UNC5D: variants seen among roughly 807,000 people sequenced by gnomAD.
UNC5D encodes the protein unc-5 netrin receptor D.
In UNC5D, 39 loss-of-function variants were observed where a neutral mutation model predicts 105.4. That is an observed-to-expected ratio of 0.37 (90% CI 0.29 to 0.48). The LOEUF is 0.48. Among genes scored for constraint, UNC5D ranks in the 20% least tolerant of loss-of-function variants. UNC5D has a pLI of 0.98. For synonymous variants in UNC5D, 452 were observed against 450.4 expected, an observed-to-expected ratio of 1.00 and a Z score of -0.04; for missense variants, 991 against 1,202.4, an observed-to-expected ratio of 0.82 and a Z score of 2.60.
chr8:35,738,111 A>AAAAG (rs1329151615), intron 11 of UNC5D, among the ~76,000 whole-genome samples: 1 of 152,168 alleles, frequency 6.6e-6, no homozygotes, highest in Non-Finnish European at 1.5e-5. Flanking sequence ...TCTCGAAAAG[A>AAAAG]AAAGAAAAGA....
At chr8:35,407,244 T>C (rs2128955211) in intron 1 of UNC5D, among the ~76,000 whole-genome samples, 2 of 152,236 alleles carry the variant, frequency 1.3e-5, no homozygotes, top group South Asian at 2.1e-4. Context: ...GTAAGTGTAC[T>C]CTATGATGTT....
intron 1 of UNC5D, among the ~76,000 whole-genome samples, chr8:35,470,804 AAAT>A (rs1397329015): frequency 0.027 from 969 of 35,538 alleles, 7 homozygotes; most frequent in East Asian, 0.06. Flanking sequence ...ATAAATAAAT[AAAT>A]AAATAAAATA....
At chr8:35,312,220 T>C (rs960255944) in intron 1 of UNC5D, among the ~76,000 whole-genome samples, 6 of 152,204 alleles carry the variant, frequency 3.9e-5, no homozygotes, top group Non-Finnish European at 8.8e-5. Flanking sequence ...AGATCCGACA[T>C]AGCTTACAAT....
chr8:35,355,540 G>A (rs143474051), intron 1 of UNC5D, among the ~76,000 whole-genome samples: 105 of 152,166 alleles, frequency 6.9e-4, no homozygotes, highest in African/African-American at 2.4e-3. Flanking sequence ...CCATCTTGGT[G>A]CATGTCAAGC....
intron 4 of UNC5D, among the ~76,000 whole-genome samples, chr8:35,653,949 AT>A (rs202163596): frequency 4.6e-5 from 7 of 151,116 alleles, no homozygotes; most frequent in Admixed American, 6.6e-5. Context: ...ACTTAGTTAC[AT>A]TTTTTTTTAA....
intron 4 of UNC5D, among the ~76,000 whole-genome samples, chr8:35,672,675 T>C (rs553059949): frequency 6.6e-6 from 1 of 152,272 alleles, no homozygotes; most frequent in South Asian, 2.1e-4. Context: ...CATTCTTATA[T>C]TTATGTTTCT....
At chr8:35,325,359 C>T (rs1306076575) in intron 1 of UNC5D, among the ~76,000 whole-genome samples, 2 of 152,146 alleles carry the variant, frequency 1.3e-5, no homozygotes, top group Non-Finnish European at 2.9e-5. Flanking sequence ...CCAGTAAAAA[C>T]TTAAGCTCAT....
chr8:35,699,785 A>G (rs1262525889), intron 7 of UNC5D, among the ~76,000 whole-genome samples: 1 of 152,188 alleles, frequency 6.6e-6, no homozygotes, highest in Non-Finnish European at 1.5e-5. Flanking sequence ...AAGTGGGATA[A>G]ATATGGTCTC....
At chr8:35,333,477 C>T (rs1021756553) in intron 1 of UNC5D, among the ~76,000 whole-genome samples, 5 of 152,014 alleles carry the variant, frequency 3.3e-5, no homozygotes, top group South Asian at 2.1e-4. Context: ...TTAGGTTTCT[C>T]GGAAGTAGGA....
At chr8:35,653,440 A>T (rs1245014588) in intron 4 of UNC5D, among the ~76,000 whole-genome samples, 2 of 152,198 alleles carry the variant, frequency 1.3e-5, no homozygotes, top group African/African-American at 4.8e-5. Flanking sequence ...TTCCTATAGC[A>T]CAAATTTCTA....
At chr8:35,646,796 G>T (rs548224250) in intron 4 of UNC5D, among the ~76,000 whole-genome samples, 1 of 152,004 alleles carries the variant, frequency 6.6e-6, no homozygotes, top group Admixed American at 6.6e-5. Context: ...AAAAAGAGCA[G>T]TATTAATTTT....
chr8:35,483,495 A>G (rs1810632079), intron 1 of UNC5D, among the ~76,000 whole-genome samples: 1 of 152,218 alleles, frequency 6.6e-6, no homozygotes, highest in Admixed American at 6.5e-5. Flanking sequence ...CCTGAAGCAT[A>G]CTATAGATTA....
chr8:35,397,478 C>G (rs1269980693), intron 1 of UNC5D, among the ~76,000 whole-genome samples: 1 of 152,098 alleles, frequency 6.6e-6, no homozygotes, highest in Non-Finnish European at 1.5e-5. Flanking sequence ...TTTGCACAAT[C>G]GTGTACCAAT....
At chr8:35,308,156 G>A (rs1019451464) in intron 1 of UNC5D, among the ~76,000 whole-genome samples, 4 of 149,664 alleles carry the variant, frequency 2.7e-5, no homozygotes, top group Admixed American at 6.7e-5. Context: ...GTGTGTATCT[G>A]TAAATATAAT....
At chr8:35,620,965 C>G (rs550766086) in intron 4 of UNC5D, among the ~76,000 whole-genome samples, 1 of 152,126 alleles carries the variant, frequency 6.6e-6, no homozygotes, top group Admixed American at 6.5e-5. Flanking sequence ...CGTTTGGGGT[C>G]GGATACTCCT....
In UNC5D at chr8:35,244,831, C is replaced by A. The variant is rs141443694; in HGVS notation, c.103+8944C>A. Among the ~76,000 whole-genome samples, 405 of 151,962 alleles carry A rather than the reference C, an allele frequency of 2.7e-3. 2 individuals are homozygous for A. The highest frequency in any genetic ancestry group is 9.5e-3 in the African/African-American group (393 of 41,436). ...TTTGAGACTAGCCTGGACAACATAG[C>A]CAGACTCTCTTCTCTGCACATTTTT... On this transcript the variant is annotated intron_variant, in intron 1 of 16. Coordinates refer to ENST00000404895, the MANE Select transcript of UNC5D (RefSeq NM_080872.4).
intron 1 of UNC5D, among the ~76,000 whole-genome samples, chr8:35,259,642 T>C (rs1393775184): frequency 2.0e-5 from 3 of 152,158 alleles, no homozygotes. Flanking sequence ...GAGTGCTCTT[T>C]AGCACTTTTA....
intron 11 of UNC5D, 60 bp downstream of exon 11, chr8:35,731,156 T>G: frequency 6.5e-7 from 1 of 1,536,394 alleles, no homozygotes; most frequent in South Asian, 1.1e-5. Context: ...CCCAGTACTT[T>G]GGGAGGCTGA....
chr8:35,527,264 ATTT>A lies in UNC5D; in HGVS notation c.104-22025_104-22023del, dbSNP rs575928783. Among the ~76,000 whole-genome samples, 1,109 of 152,118 alleles carry A rather than the reference ATTT, an allele frequency of 7.3e-3. 10 individuals are homozygous for A. Among genetic ancestry groups the A allele is most frequent in the South Asian group, 0.033 (161 of 4,824 alleles). Reference sequence around the variant, plus strand: ...AGTAGGGATTGTTTTTATTTGAATTATTTTTATGTGATAATAATCATTGTATTC... The same window carrying A: ...AGTAGGGATTGTTTTTATTTGAATTATTATGTGATAATAATCATTGTATTC... On this transcript the variant is annotated intron_variant, in intron 1 of 16. Coordinates refer to ENST00000404895, the MANE Select transcript of UNC5D (RefSeq NM_080872.4).
Sources: gnomAD v4.1 joint callset for allele counts (sites outside exome capture counted in the v4.1 genomes callset) on GRCh38, gnomAD v4.1.1 for gene constraint, MANE v1.5 for transcripts, NCBI Gene and HGNC (gene_info 2026-07-23, HGNC 2026-07-21) for gene names.